The following ATG2B variants were observed in gnomAD, a reference collection of about 807,000 sequenced individuals.
The protein encoded by ATG2B is autophagy-related protein 2 homolog B.
Under a neutral mutation model 241.3 loss-of-function variants are expected in ATG2B, and 121 were observed. The ratio of observed to expected loss-of-function variants is 0.50; its 90% CI spans 0.43 to 0.58. The LOEUF (loss-of-function observed/expected upper bound fraction) is 0.58. Ranked by LOEUF, ATG2B falls within the 20% of genes least tolerant of loss-of-function variation. The pLI is 0.00. For missense variants in ATG2B, 2,306 were observed against 2,491.6 expected, an observed-to-expected ratio of 0.93 and a Z score of 1.59; for synonymous variants, 858 against 876.6, an observed-to-expected ratio of 0.98 and a Z score of 0.37.
chr14:96,308,282 A>ATAT (rs1566720002), intron 29 of ATG2B, among the ~76,000 whole-genome samples: 2 of 37,036 alleles, frequency 5.4e-5, no homozygotes, highest in South Asian at 1.6e-3. Flanking sequence ...ATATATATAT[A>ATAT]TTTTTTTTTT....
chr14:96,285,678 CT>C lies in ATG2B; in HGVS notation c.*76del. ...GATGAGCACAATAAAATTAAACGAG[CT>C]TCCTCTGAAGCTGCTGTCAGGACTC... On this transcript the variant is annotated 3_prime_UTR_variant, in exon 42 of 42. Transcript: ENST00000359933. This position sits in a 1 kb window ranked among gnomAD's most constrained non-coding sequence, Gnocchi z 4.2. 1 of 1,351,322 alleles carries C rather than the reference CT, an allele frequency of 7.4e-7. No homozygotes were observed. Among genetic ancestry groups the C allele is most frequent in the Non-Finnish European group, 1.0e-6 (1 of 959,414 alleles). 83.7% of individuals were successfully genotyped at this position (1,351,322 alleles called of 1,614,324 possible).
In ATG2B at chr14:96,332,545, T is replaced by C; in HGVS notation, c.1318A>G (p.Thr440Ala). The change falls in exon 9 of 42, where the codon ACA becomes GCA. Residue 440 changes from threonine (T) to alanine (A), a missense_variant. This residue lies in a region of ATG2B where 1,927 missense variants were observed against 2,011.2 expected (regional missense o/e 0.96). Coordinates refer to ENST00000359933, the MANE Select transcript of ATG2B (RefSeq NM_018036.7). ...NMDLELSLTS[T>A]YTNTPAGSPL... ...GATCCTGCTGGGGTATTTGTATATG[T>C]ACTAGTTAATGATAACTCAAGGTCC... 6.2e-7 allele frequency: 1 copy of C among 1,611,542 alleles called. No individual in the cohort carries two copies. Among genetic ancestry groups the C allele is most frequent in the Non-Finnish European group, 8.5e-7 (1 of 1,179,022 alleles).
At chr14:96,339,863 A>C (rs1595326110) in intron 6 of ATG2B, among the ~76,000 whole-genome samples, 1 of 151,734 alleles carries the variant, frequency 6.6e-6, no homozygotes, top group Non-Finnish European at 1.5e-5. Context: ...CCTGTATCCC[A>C]AAAACAACTG....
intron 36 of ATG2B, among the ~76,000 whole-genome samples, chr14:96,293,923 G>GT (rs1488214817): frequency 1.3e-5 from 2 of 152,008 alleles, no homozygotes; most frequent in African/African-American, 4.8e-5. Flanking sequence ...GTTTATAAAT[G>GT]TGACTAATAA....
intron 1 of ATG2B, among the ~76,000 whole-genome samples, chr14:96,352,350 T>G (rs1381749685): frequency 6.6e-6 from 1 of 152,128 alleles, no homozygotes; most frequent in Non-Finnish European, 1.5e-5. Flanking sequence ...ACTATACAAT[T>G]TAATCATTAT....
chr14:96,295,363 CAG>C (rs1886608256), intron 35 of ATG2B, 117 bp downstream of exon 35: 1 of 880,914 alleles, frequency 1.1e-6, no homozygotes, highest in African/African-American at 1.7e-5. Flanking sequence ...AAAATAAACA[CAG>C]AACACATTTA....
intron 20 of ATG2B, among the ~76,000 whole-genome samples, 161 bp from the exon 21 acceptor site, chr14:96,316,844 A>G (rs1471377012): frequency 6.6e-6 from 1 of 152,196 alleles, no homozygotes; most frequent in Non-Finnish European, 1.5e-5. Context: ...ATAAAATAAA[A>G]CTGGATAACT....
chr14:96,292,105 A>T lies in ATG2B; in HGVS notation c.5427-7T>A. The T allele has an allele frequency of 6.3e-7, 1 of 1,576,530 alleles. No individual in the cohort carries two copies. The highest frequency in any genetic ancestry group is 8.6e-7 in the Non-Finnish European group (1 of 1,157,114). On this transcript the variant is annotated splice_region_variant and splice_polypyrimidine_tract_variant and intron_variant, in intron 36 of 41. Coordinates refer to ENST00000359933, the MANE Select transcript of ATG2B (RefSeq NM_018036.7). ...TGACGTGAATCTAAATTCTCTGAAG[A>T]TAAAGGAAGGAGGGAGTTATTTACA...
intron 8 of ATG2B, 112 bp downstream of exon 8, chr14:96,333,576 G>T: frequency 2.1e-6 from 2 of 957,730 alleles, no homozygotes; most frequent in Non-Finnish European, 3.1e-6. Context: ...TTACAATGTG[G>T]ATCTTTTTGT....
intron 4 of ATG2B, 152 bp downstream of exon 4, chr14:96,344,502 T>C: frequency 4.4e-6 from 2 of 451,478 alleles, no homozygotes; most frequent in Non-Finnish European, 7.9e-6. Flanking sequence ...GGAATTAGAA[T>C]AATAAAATTA....
chr14:96,286,459 A>G (rs992194437), intron 41 of ATG2B, among the ~76,000 whole-genome samples: 4 of 152,248 alleles, frequency 2.6e-5, no homozygotes, highest in Non-Finnish European at 4.4e-5. Flanking sequence ...AATTCAATTA[A>G]GATAAAAAGC....
intron 31 of ATG2B, 119 bp from the exon 32 acceptor site, chr14:96,304,722 G>C (rs908677188): frequency 9.9e-6 from 7 of 706,744 alleles, no homozygotes; most frequent in Middle Eastern, 4.0e-4. Context: ...AGAGCTATCA[G>C]AACGCTGCCA....
chr14:96,358,985 T>C (rs1888552801), intron 1 of ATG2B, among the ~76,000 whole-genome samples: 2 of 152,166 alleles, frequency 1.3e-5, no homozygotes, highest in Non-Finnish European at 2.9e-5. Flanking sequence ...CTTTGACAAA[T>C]AATCAGTAAT....
chr14:96,361,426 C>T (rs1169341941), intron 1 of ATG2B, among the ~76,000 whole-genome samples: 1 of 152,118 alleles, frequency 6.6e-6, no homozygotes, highest in Non-Finnish European at 1.5e-5. Flanking sequence ...GGGTTAAAGT[C>T]ATTAAAGGAT....
In ATG2B at chr14:96,285,664, T is replaced by G; in HGVS notation, c.*91A>C. On this transcript the variant is annotated 3_prime_UTR_variant, in exon 42 of 42. Transcript: ENST00000359933. The surrounding 1 kb of genome is among the most constrained non-coding windows in gnomAD (Gnocchi z 4.2). ...GCTTTTGTTCCTGAGATGAGCACAA[T>G]AAAATTAAACGAGCTTCCTCTGAAG... 1 of 1,240,024 alleles carries G rather than the reference T, an allele frequency of 8.1e-7. No individual in the cohort carries two copies. The highest frequency in any genetic ancestry group is 1.2e-6 in the Non-Finnish European group (1 of 867,368). The allele number at this position is 1,240,024 out of a possible 1,614,324, so 76.8% of individuals were successfully genotyped here.
At chr14:96,327,230 CAAT>C (rs74459993) in intron 14 of ATG2B, among the ~76,000 whole-genome samples, 13,085 of 148,640 alleles carry the variant, frequency 0.088, 1,090 homozygotes, top group East Asian at 0.43. Context: ...ATGTCTGTCT[CAAT>C]AATAATAATA....
chr14:96,323,181 T>G (rs890604307), intron 16 of ATG2B, among the ~76,000 whole-genome samples: 4 of 152,204 alleles, frequency 2.6e-5, no homozygotes, highest in Admixed American at 6.5e-5. Context: ...GGAAACAGTT[T>G]CAAAACTCTA....
At chr14:96,340,103 A>AATATATGATATATATTCATATATATATC (rs1887978542) in intron 6 of ATG2B, among the ~76,000 whole-genome samples, 1 of 103,838 alleles carries the variant, frequency 9.6e-6, no homozygotes. Flanking sequence ...TGCTATATAG[A>AATATATGATATATATTCATATATATATC]ATATATGATA....
chr14:96,332,650 C>T lies in ATG2B; in HGVS notation c.1213G>A (p.Glu405Lys), dbSNP rs766717142. The change falls in exon 9 of 42, where the codon GAA becomes AAA. Residue 405 changes from glutamate to lysine, a missense_variant. Physicochemically the swap from Glu to Lys is moderately conservative, Grantham distance 56. Coordinates refer to ENST00000359933, the MANE Select transcript of ATG2B (RefSeq NM_018036.7). ...ATATCAGCCATGGAGAAGAATACTT[C>T]TTCTTCTAGAGAGAATTAAACTATG... is the stretch of plus-strand genomic sequence containing the variant. Reference protein sequence around the residue: ...TARTPSSREEEVFFSMADMDM... With the variant: ...TARTPSSREEKVFFSMADMDM... 5 of 1,560,264 alleles carry T rather than the reference C, an allele frequency of 3.2e-6. No homozygotes were observed. Among genetic ancestry groups the T allele is most frequent in the Non-Finnish European group, 4.3e-6 (5 of 1,161,382 alleles).
Sources: allele counts gnomAD v4.1 joint callset (sites outside exome capture counted in the v4.1 genomes callset), GRCh38; gene constraint gnomAD v4.1.1; regional missense constraint gnomAD v4.1.1; non-coding constraint Gnocchi (gnomAD v3.1); transcripts MANE v1.5; gene names NCBI Gene and HGNC (gene_info 2026-07-23, HGNC 2026-07-21).